The following KCNAB1 variants were observed in gnomAD, a reference collection of about 807,000 sequenced individuals.
KCNAB1 encodes the protein potassium voltage-gated channel subfamily A regulatory beta subunit 1.
KCNAB1 carries 35 observed loss-of-function variants against 64.6 expected under a neutral mutation model. That is an observed-to-expected ratio of 0.54 (90% CI 0.41 to 0.72). The LOEUF (loss-of-function observed/expected upper bound fraction) is 0.72. Among genes scored for constraint, KCNAB1 ranks in the 30% least tolerant of loss-of-function variants. The pLI, the probability that KCNAB1 is intolerant of heterozygous loss-of-function variation, is 0.00. For synonymous variants in KCNAB1, 177 were observed against 183.8 expected (o/e 0.96, Z 0.30); for missense variants, 401 against 512.9 (o/e 0.78, Z 2.11).
intron 1 of KCNAB1, among the ~76,000 whole-genome samples, chr3:156,387,933 TTTG>T (rs1378603216): frequency 2.6e-5 from 4 of 152,258 alleles, no homozygotes; most frequent in African/African-American, 9.6e-5. Flanking sequence ...TCACCGCGTA[TTTG>T]TTATTGTACT....
At chr3:156,158,024 G>C (rs979641163) in intron 1 of KCNAB1, among the ~76,000 whole-genome samples, 4 of 151,850 alleles carry the variant, frequency 2.6e-5, no homozygotes, top group South Asian at 2.1e-4. Flanking sequence ...AATTAGCCGG[G>C]TGCGGTGGCT....
At chr3:156,293,085 G>C (rs1033221150) in intron 1 of KCNAB1, among the ~76,000 whole-genome samples, 1 of 152,080 alleles carries the variant, frequency 6.6e-6, no homozygotes, top group Non-Finnish European at 1.5e-5. Context: ...TTCCATAGTT[G>C]GAATCATCCT....
rs4056366 is a variant in KCNAB1 at position 156,335,853 on chromosome 3, G to GTTTTT, written c.276-85751_276-85747dup. ...AGTGTGATTCTATAAAATTGTTTGGGTTTTTTTTTTTTTTTTGCATTACAC... is the reference window on the plus strand; with the variant it reads ...AGTGTGATTCTATAAAATTGTTTGGGTTTTTTTTTTTTTTTTTTTTTGCATTACAC... On this transcript the variant is annotated intron_variant, in intron 1 of 13. Transcript: ENST00000490337. Among the ~76,000 whole-genome samples the GTTTTT allele has an allele frequency of 1.8e-3, 245 of 135,290 alleles. 5 individuals are homozygous for GTTTTT. The highest frequency in any genetic ancestry group is 6.0e-3 in the African/African-American group (223 of 36,882). The allele number at this position is 135,290 out of a possible 152,430, so 88.8% of individuals were successfully genotyped here. A position where few individuals can be genotyped will look rare whatever the true frequency, so the allele number is the denominator to read the frequency against.
At position 156,287,500 on chromosome 3, in the gene KCNAB1, T is replaced by C. The variant is rs556229083; in HGVS notation, c.276-134116T>C. Among the ~76,000 whole-genome samples, 10 of 152,234 alleles carry C rather than the reference T, an allele frequency of 6.6e-5. No homozygotes were observed. The South Asian group carries it at 1.2e-3, about 19-fold the overall frequency. The stretch of plus-strand genomic sequence containing the variant: ...TATTAAATAATGACAACTATCGTTA[T>C]CATTCACGCTATACATCCTATATAC... On this transcript the variant is annotated intron_variant, in intron 1 of 13. Transcript: ENST00000490337.
Position 156,120,714 on chromosome 3 carries a change from C to T in KCNAB1, c.103C>T (p.Pro35Ser), listed in dbSNP as rs117323811. 38 of 1,614,228 alleles carry T rather than the reference C, an allele frequency of 2.4e-5. No homozygotes were observed. In the East Asian group the frequency reaches 8.0e-4, roughly 34 times the overall value. The change falls in exon 1 of 14, where the codon CCC becomes TCC. Residue 35 changes from proline (P) to serine (S), a missense_variant. Physicochemically the swap from Pro to Ser is moderately conservative, Grantham distance 74. Transcript: ENST00000490337. ...TTCTGTAGCAGGGAAAGACAAATCT[C>T]CCAAGAAAGCCTCAGAAAACGCTAA... ...GFSVAGKDKS[P>S]KKASENAKDS...
chr3:156,257,986 T>G (rs1323632178), intron 1 of KCNAB1, among the ~76,000 whole-genome samples: 1 of 152,204 alleles, frequency 6.6e-6, no homozygotes, highest in Non-Finnish European at 1.5e-5. Context: ...CATACATCCT[T>G]AATGACTTTC....
At chr3:156,484,697 A>C (rs1715071432) in intron 8 of KCNAB1, among the ~76,000 whole-genome samples, 2 of 152,140 alleles carry the variant, frequency 1.3e-5, no homozygotes. Context: ...GATTGAATGC[A>C]GTGAGCAGAG....
intron 1 of KCNAB1, among the ~76,000 whole-genome samples, chr3:156,214,888 G>A (rs1320218363): frequency 3.3e-5 from 5 of 152,070 alleles, no homozygotes; most frequent in Admixed American, 6.5e-5. Context: ...TCAGGCTGTC[G>A]CCCGCCACAA....
At chr3:156,522,250 A>G (rs190759430) in intron 11 of KCNAB1, among the ~76,000 whole-genome samples, 1 of 152,098 alleles carries the variant, frequency 6.6e-6, no homozygotes, top group East Asian at 1.9e-4. Flanking sequence ...GGTTTGAATA[A>G]CATTCAGAGA....
intron 11 of KCNAB1, among the ~76,000 whole-genome samples, chr3:156,521,233 C>T (rs546328167): frequency 9.9e-5 from 15 of 152,022 alleles, no homozygotes; most frequent in East Asian, 3.9e-4. Flanking sequence ...GGAGTAGCTC[C>T]GGGACTTGTA....
At chr3:156,216,864 G>A (rs1280811183) in intron 1 of KCNAB1, 1 of 152,212 alleles carries the variant, frequency 6.6e-6, no homozygotes, top group African/African-American at 2.4e-5. Flanking sequence ...GCCCACATCT[G>A]TTTGTCCAGC....
chr3:156,364,860 A>G (rs574935834), intron 1 of KCNAB1, among the ~76,000 whole-genome samples: 107 of 152,304 alleles, frequency 7.0e-4, no homozygotes, highest in African/African-American at 2.5e-3. Context: ...AAAAGAGACA[A>G]TATTCAAAAA....
intron 1 of KCNAB1, among the ~76,000 whole-genome samples, chr3:156,127,884 G>GGTGTGT (rs10576749): frequency 0.16 from 24,164 of 147,500 alleles, 2,357 homozygotes; most frequent in Admixed American, 0.33. Flanking sequence ...CTTCATTTGG[G>GGTGTGT]GTGTGTGTGT....
intron 8 of KCNAB1, among the ~76,000 whole-genome samples, chr3:156,482,611 A>G (rs1001938707): frequency 6.6e-6 from 1 of 152,116 alleles, no homozygotes; most frequent in East Asian, 1.9e-4. Context: ...TATGGCATTA[A>G]GAGTCAGACC....
intron 1 of KCNAB1, among the ~76,000 whole-genome samples, chr3:156,160,507 A>G (rs1577655498): frequency 6.6e-6 from 1 of 152,276 alleles, no homozygotes; most frequent in East Asian, 1.9e-4. Flanking sequence ...AGAGTGTTAG[A>G]AGATGAGGTT....
At chr3:156,264,957 A>G (rs1718615667) in intron 1 of KCNAB1, among the ~76,000 whole-genome samples, 1 of 152,178 alleles carries the variant, frequency 6.6e-6, no homozygotes, top group Non-Finnish European at 1.5e-5. Context: ...TCCAGATTCC[A>G]GGCTTTCTTT....
chr3:156,432,728 C>T (rs1389453049), intron 2 of KCNAB1, among the ~76,000 whole-genome samples: 1 of 152,138 alleles, frequency 6.6e-6, no homozygotes, highest in Non-Finnish European at 1.5e-5. Context: ...CCACCTTATG[C>T]TTGACAATAG....
chr3:156,166,414 AC>A, intron 1 of KCNAB1, among the ~76,000 whole-genome samples: 1 of 152,324 alleles, frequency 6.6e-6, no homozygotes, highest in Middle Eastern at 3.4e-3. Flanking sequence ...CTATAAAGAA[AC>A]TGTGTAGTAG....
Position 156,537,195 on chromosome 3 carries a change from ATAGAT to A in KCNAB1, c.*451_*455del, listed in dbSNP as rs1719115848. ...GGAATTGAGAGATTTTTCTTAGTAA[ATAGAT>A]TATTGTTAAGTAAATAGTTATTAAA... On this transcript the variant is annotated 3_prime_UTR_variant, in exon 14 of 14. Transcript: ENST00000490337. The A allele has an allele frequency of 7.6e-6, 3 of 396,990 alleles. No individual in the cohort carries two copies. The highest frequency in any genetic ancestry group is 4.4e-5 in the Admixed American group (1 of 22,682). 24.6% of individuals were successfully genotyped at this position (396,990 alleles called of 1,614,324 possible).
Sources: gnomAD v4.1 joint callset for allele counts (sites outside exome capture counted in the v4.1 genomes callset) on GRCh38, gnomAD v4.1.1 for gene constraint, MANE v1.5 for transcripts, NCBI Gene and HGNC (gene_info 2026-07-23, HGNC 2026-07-21) for gene names.